PIP5K1B: variants seen among roughly 807,000 people sequenced by gnomAD.
PIP5K1B encodes the protein phosphatidylinositol-4-phosphate 5-kinase type 1 beta, also known as phosphatidylinositol 4-phosphate 5-kinase type-1 beta.
PIP5K1B carries 42 observed loss-of-function variants against 67.0 expected under a neutral mutation model. The ratio of observed to expected loss-of-function variants is 0.63; its 90% confidence interval spans 0.49 to 0.81. The LOEUF (loss-of-function observed/expected upper bound fraction) is 0.81, where lower values mean the gene tolerates loss of function less well. Ranked by LOEUF, PIP5K1B falls within the 30% of genes least tolerant of loss-of-function variation. The pLI is 0.00. For synonymous variants in PIP5K1B, 214 were observed against 231.4 expected, an observed-to-expected ratio of 0.92 and a Z score of 0.68; for missense variants, 459 against 646.3, an observed-to-expected ratio of 0.71 and a Z score of 3.14.
chr9:68,776,342 T>C (rs572184064), intron 2 of PIP5K1B, among the ~76,000 whole-genome samples: 1 of 152,326 alleles, frequency 6.6e-6, no homozygotes, highest in South Asian at 2.1e-4. Flanking sequence ...AATAATATTG[T>C]TCTAAGTGCC....
chr9:68,909,104 A>C (rs1318287351), intron 8 of PIP5K1B, among the ~76,000 whole-genome samples: 3 of 152,230 alleles, frequency 2.0e-5, no homozygotes, highest in Non-Finnish European at 2.9e-5. Context: ...TCATTGGCAA[A>C]GGGTAAGTTA....
intron 4 of PIP5K1B, among the ~76,000 whole-genome samples, chr9:68,840,851 A>T (rs1821883641): frequency 6.6e-6 from 1 of 152,224 alleles, no homozygotes; most frequent in South Asian, 2.1e-4. Context: ...TTCTAAGGTT[A>T]CATATTTGCT....
Position 68,894,331 on chromosome 9 carries a change from G to A in PIP5K1B, c.472-8G>A. 6.4e-7 allele frequency: 1 copy of A among 1,559,412 alleles called. No homozygotes were observed. The highest frequency in any genetic ancestry group is 8.7e-7 in the Non-Finnish European group (1 of 1,148,520). On this transcript the variant is annotated splice_polypyrimidine_tract_variant and splice_region_variant and intron_variant, in intron 7 of 15. Coordinates refer to ENST00000265382, the MANE Select transcript of PIP5K1B (RefSeq NM_003558.4). ...TTGTAAATATATTTTTCTTTTTTTG[G>A]TTTCTAGAATTTAAACCAGAATCCA...
At chr9:68,937,774 A>G (rs1327802208) in intron 13 of PIP5K1B, among the ~76,000 whole-genome samples, 1 of 152,142 alleles carries the variant, frequency 6.6e-6, no homozygotes, top group Admixed American at 6.5e-5. Flanking sequence ...ACACTGCTTT[A>G]CATGTGTCCC....
intron 2 of PIP5K1B, among the ~76,000 whole-genome samples, chr9:68,806,473 C>T (rs115178863): frequency 1.1e-3 from 173 of 152,292 alleles, no homozygotes; most frequent in African/African-American, 4.0e-3. Context: ...CATTTTATCT[C>T]GCCTTCTTTT....
chr9:68,893,250 C>G (rs1824892072), intron 7 of PIP5K1B, among the ~76,000 whole-genome samples: 1 of 151,640 alleles, frequency 6.6e-6, no homozygotes, highest in African/African-American at 2.4e-5. Context: ...TTTTCATTGA[C>G]TACATGCCGT....
chr9:68,710,194 A>T (rs1490575370), intron 1 of PIP5K1B, among the ~76,000 whole-genome samples: 1 of 152,106 alleles, frequency 6.6e-6, no homozygotes. Flanking sequence ...TTCTCTTTGT[A>T]TCAAGTGCAT....
chr9:68,858,282 C>T (rs542107351), intron 4 of PIP5K1B, among the ~76,000 whole-genome samples: 9 of 152,216 alleles, frequency 5.9e-5, no homozygotes, highest in African/African-American at 1.9e-4. Flanking sequence ...CCCTCTCTTG[C>T]TGTTGACAGG....
intron 14 of PIP5K1B, among the ~76,000 whole-genome samples, chr9:68,983,658 G>A (rs1829982472): frequency 1.3e-5 from 2 of 152,214 alleles, no homozygotes; most frequent in Non-Finnish European, 2.9e-5. Flanking sequence ...GCAGCTGGGA[G>A]CAGTAGTAGC....
chr9:68,925,795 A>ATTTTTTTTTTTTCT (rs374081605), intron 12 of PIP5K1B, among the ~76,000 whole-genome samples: 7 of 73,272 alleles, frequency 9.6e-5, no homozygotes, highest in Non-Finnish European at 1.4e-4. Flanking sequence ...TGTGGTTCCA[A>ATTTTTTTTTTTTCT]TTTTTTTTTT....
rs114531842 is a variant in PIP5K1B, at chr9:68,774,934, G to A, written c.-86+32277G>A. On this transcript the variant is annotated intron_variant, in intron 2 of 15. Transcript: ENST00000265382. ...TTCCTTGATCAACTTCTTCAACTCT[G>A]CTAGAAATGTGGCAGCAGCTTCTTC... Among the ~76,000 whole-genome samples, 455 of 152,254 alleles carry A rather than the reference G, an allele frequency of 3.0e-3. 3 individuals are homozygous for A. Among genetic ancestry groups the A allele is most frequent in the African/African-American group, 0.011 (442 of 41,546 alleles).
chr9:68,780,367 G>T, intron 2 of PIP5K1B: 1 of 1,612,958 alleles, frequency 6.2e-7, no homozygotes, highest in Non-Finnish European at 8.5e-7. Flanking sequence ...TTCCCGAGCC[G>T]CCACGGCCTG....
intron 14 of PIP5K1B, among the ~76,000 whole-genome samples, chr9:68,987,592 C>T (rs912236963): frequency 3.3e-5 from 5 of 152,116 alleles, no homozygotes; most frequent in African/African-American, 1.2e-4. Flanking sequence ...CATAAATTTT[C>T]AGCAAAATTT....
intron 4 of PIP5K1B, among the ~76,000 whole-genome samples, chr9:68,860,812 G>A (rs10781245): frequency 0.45 from 68,583 of 152,000 alleles, 15,435 homozygotes; most frequent in East Asian, 0.51. Context: ...ACAGTGGAGT[G>A]TAACTTGGGA....
intron 2 of PIP5K1B, among the ~76,000 whole-genome samples, chr9:68,787,551 C>T (rs1564135667): frequency 6.6e-6 from 1 of 152,180 alleles, no homozygotes; most frequent in African/African-American, 2.4e-5. Context: ...GTTTCCTCCT[C>T]CTTCTCCTGC....
intron 6 of PIP5K1B, among the ~76,000 whole-genome samples, chr9:68,879,319 G>A (rs757769860): frequency 3.3e-5 from 5 of 152,194 alleles, no homozygotes; most frequent in African/African-American, 4.8e-5. Context: ...TGTAATCCCA[G>A]CACCTCAGGA....
intron 5 of PIP5K1B, among the ~76,000 whole-genome samples, chr9:68,871,677 G>C (rs1823631588): frequency 6.6e-6 from 1 of 152,054 alleles, no homozygotes; most frequent in South Asian, 2.1e-4. Flanking sequence ...CTCCTTTTTT[G>C]GAGCTAAAAA....
intron 2 of PIP5K1B, among the ~76,000 whole-genome samples, chr9:68,813,121 A>G (rs1833256382): frequency 1.3e-5 from 2 of 152,212 alleles, no homozygotes; most frequent in Admixed American, 1.3e-4. Flanking sequence ...CTATTCCTAC[A>G]TAAGTGCAAA....
intron 2 of PIP5K1B, among the ~76,000 whole-genome samples, chr9:68,813,583 T>G (rs1303692299): frequency 6.6e-6 from 1 of 152,218 alleles, no homozygotes; most frequent in Non-Finnish European, 1.5e-5. Context: ...TAATTTTCAG[T>G]ACCTGTGCAT....
Sources: gnomAD v4.1 joint callset for allele counts (sites outside exome capture counted in the v4.1 genomes callset) on GRCh38, gnomAD v4.1.1 for gene constraint, MANE v1.5 for transcripts, NCBI Gene and HGNC (gene_info 2026-07-23, HGNC 2026-07-21) for gene names.